ARHGAP24: variants seen among roughly 807,000 people sequenced by gnomAD.
ARHGAP24 encodes rho GTPase-activating protein 24.
In ARHGAP24, 50 loss-of-function variants were observed where a neutral mutation model predicts 76.4. The ratio of observed to expected loss-of-function variants is 0.65; its 90% CI spans 0.52 to 0.83. ARHGAP24 has a LOEUF of 0.83. Among genes scored for constraint, ARHGAP24 ranks in the 40% least tolerant of loss-of-function variants. ARHGAP24 has a pLI of 0.00. For missense variants in ARHGAP24, 930 were observed against 914.2 expected (o/e 1.02, Z -0.22); for synonymous variants, 345 against 323.3 (o/e 1.07, Z -0.72).
intron 2 of ARHGAP24, among the ~76,000 whole-genome samples, chr4:85,655,784 T>TAGAGAGAGAG (rs1391776025): frequency 6.8e-5 from 2 of 29,608 alleles, no homozygotes; most frequent in Admixed American, 3.7e-4. Flanking sequence ...TATATATATA[T>TAGAGAGAGAG]ATATATATAG....
At chr4:85,731,196 T>C (rs547781237) in intron 3 of ARHGAP24, among the ~76,000 whole-genome samples, 4 of 151,352 alleles carry the variant, frequency 2.6e-5, no homozygotes, top group African/African-American at 9.7e-5. Flanking sequence ...TATGGATAGG[T>C]TTATTATCTA....
chr4:85,960,011 T>A (rs866428128), intron 5 of ARHGAP24, among the ~76,000 whole-genome samples: 2 of 152,186 alleles, frequency 1.3e-5, no homozygotes, highest in Non-Finnish European at 2.9e-5. Flanking sequence ...TAACTCATAG[T>A]GTAAGACAGA....
chr4:85,666,912 G>T (rs941881934), intron 2 of ARHGAP24, among the ~76,000 whole-genome samples: 1 of 152,166 alleles, frequency 6.6e-6, no homozygotes, highest in South Asian at 2.1e-4. Context: ...CATACTGGGG[G>T]GTACCTCCCA....
chr4:85,922,001 A>G (rs1435804033), intron 3 of ARHGAP24, among the ~76,000 whole-genome samples: 1 of 152,226 alleles, frequency 6.6e-6, no homozygotes, highest in African/African-American at 2.4e-5. Context: ...TGATCAACCT[A>G]GAGTGGAACT....
chr4:85,910,848 C>G (rs1735035099), intron 3 of ARHGAP24, among the ~76,000 whole-genome samples: 1 of 152,152 alleles, frequency 6.6e-6, no homozygotes, highest in African/African-American at 2.4e-5. Flanking sequence ...GACTGGCTAC[C>G]TGGCCCCCAG....
chr4:85,874,998 A>ATTTT (rs1732788659), intron 3 of ARHGAP24, among the ~76,000 whole-genome samples: 1 of 109,902 alleles, frequency 9.1e-6, no homozygotes, highest in Non-Finnish European at 1.7e-5. Context: ...ATATAAATAT[A>ATTTT]TATTTATATA....
chr4:85,489,552 G>C lies in ARHGAP24; in HGVS notation c.-21+13993G>C, dbSNP rs373533473. Among the ~76,000 whole-genome samples the C allele has an allele frequency of 4.6e-5, 7 of 152,274 alleles. No individual in the cohort carries two copies. In the South Asian group the frequency reaches 1.5e-3, roughly 32 times the overall value. ...TGCAGCTCATGGCTCAGCTGGGTGA[G>C]ACAGACTCTTCATCTGGAGCAAGGT... On this transcript the variant is annotated intron_variant, in intron 1 of 9. Coordinates refer to ENST00000395184, the MANE Select transcript of ARHGAP24 (RefSeq NM_001025616.3).
At chr4:85,846,059 C>T (rs1730866607) in intron 3 of ARHGAP24, among the ~76,000 whole-genome samples, 1 of 152,010 alleles carries the variant, frequency 6.6e-6, no homozygotes, top group African/African-American at 2.4e-5. Flanking sequence ...GCACCCACCA[C>T]CAAACCTGAC....
At chr4:85,989,072 G>C (rs1479365678) in intron 8 of ARHGAP24, among the ~76,000 whole-genome samples, 10 of 151,134 alleles carry the variant, frequency 6.6e-5, no homozygotes, top group Admixed American at 6.6e-4. Flanking sequence ...AATAGAGAGA[G>C]AACAAAAACA....
intron 1 of ARHGAP24, among the ~76,000 whole-genome samples, chr4:85,501,188 T>C (rs1560510533): frequency 6.6e-6 from 1 of 152,260 alleles, no homozygotes; most frequent in Non-Finnish European, 1.5e-5. Context: ...TAAACATATG[T>C]GTGCATGTGT....
chr4:85,657,747 A>G (rs1287837996), intron 2 of ARHGAP24, among the ~76,000 whole-genome samples: 1 of 152,200 alleles, frequency 6.6e-6, no homozygotes, highest in African/African-American at 2.4e-5. Context: ...ATGAAATGCC[A>G]CAACTCCAAT....
chr4:85,898,747 AT>A (rs995221693), intron 3 of ARHGAP24, among the ~76,000 whole-genome samples: 23 of 151,524 alleles, frequency 1.5e-4, no homozygotes, highest in African/African-American at 4.6e-4. Flanking sequence ...TGCATACATT[AT>A]TTTTTTTTCT....
At chr4:85,808,347 A>G (rs1728877822) in intron 3 of ARHGAP24, among the ~76,000 whole-genome samples, 1 of 152,162 alleles carries the variant, frequency 6.6e-6, no homozygotes, top group South Asian at 2.1e-4. Flanking sequence ...TCTTCCTTTC[A>G]ACTGCTCTAA....
chr4:85,784,081 A>T (rs979537376), intron 3 of ARHGAP24, among the ~76,000 whole-genome samples: 3 of 152,128 alleles, frequency 2.0e-5, no homozygotes, highest in African/African-American at 7.2e-5. Flanking sequence ...GCACTTTGGC[A>T]TTATTTCTAC....
intron 2 of ARHGAP24, among the ~76,000 whole-genome samples, chr4:85,627,871 C>A (rs6823043): frequency 4.9e-4 from 75 of 152,278 alleles, no homozygotes; most frequent in Admixed American, 1.5e-3. Flanking sequence ...TAGGACCCTC[C>A]GAGCCAGGTG....
intron 3 of ARHGAP24, among the ~76,000 whole-genome samples, chr4:85,747,742 A>C (rs1030491877): frequency 6.6e-6 from 1 of 152,102 alleles, no homozygotes; most frequent in Non-Finnish European, 1.5e-5. Context: ...CAAAAGCTGA[A>C]AATTGAATAT....
chr4:85,516,478 A>G (rs1237432716), intron 1 of ARHGAP24, among the ~76,000 whole-genome samples: 1 of 152,192 alleles, frequency 6.6e-6, no homozygotes, highest in East Asian at 1.9e-4. Context: ...GCAGTTTCCA[A>G]GAACCTATGG....
At chr4:85,991,853 C>CA (rs1026594534) in intron 8 of ARHGAP24, 1 of 298,586 alleles carries the variant, frequency 3.3e-6, no homozygotes, top group Non-Finnish European at 6.1e-6. Flanking sequence ...TTATTCATTG[C>CA]AAAAAATACA....
At chr4:85,642,499 C>T (rs994326739) in intron 2 of ARHGAP24, among the ~76,000 whole-genome samples, 1 of 152,138 alleles carries the variant, frequency 6.6e-6, no homozygotes, top group African/African-American at 2.4e-5. Flanking sequence ...TAGGTTTCCT[C>T]ATCTTTTTAA....
Sources: allele counts gnomAD v4.1 joint callset (sites outside exome capture counted in the v4.1 genomes callset), GRCh38; gene constraint gnomAD v4.1.1; transcripts MANE v1.5; gene names NCBI Gene and HGNC (gene_info 2026-07-23, HGNC 2026-07-21).